RBFOX1: variants seen among roughly 807,000 people sequenced by gnomAD.
RBFOX1 encodes the protein RNA binding fox-1 homolog 1, also known as RNA binding protein fox-1 homolog 1.
Under a neutral mutation model 57.7 loss-of-function variants are expected in RBFOX1, and 8 were observed. The ratio of observed to expected loss-of-function variants is 0.14; its 90% CI spans 0.08 to 0.25. The LOEUF (loss-of-function observed/expected upper bound fraction) is 0.25. Ranked by LOEUF, RBFOX1 falls within the 10% of genes least tolerant of loss-of-function variation. The pLI is 1.00. For synonymous variants in RBFOX1, 326 were observed against 222.4 expected (o/e 1.47, Z -4.15); for missense variants, 611 against 548.5 (o/e 1.11, Z -1.14).
intron 1 of RBFOX1, among the ~76,000 whole-genome samples, chr16:6,129,218 A>G (rs1409950660): frequency 1.3e-5 from 2 of 152,234 alleles, no homozygotes; most frequent in Non-Finnish European, 2.9e-5. Flanking sequence ...ATATTAGAAT[A>G]ATCAGAAATG....
intron 4 of RBFOX1, among the ~76,000 whole-genome samples, chr16:7,447,545 C>T (rs2098818619): frequency 6.6e-6 from 1 of 151,976 alleles, no homozygotes; most frequent in Admixed American, 6.6e-5. Flanking sequence ...TCTCTGAAGC[C>T]TAAGCCCAGT....
chr16:6,370,216 G>A (rs935232702), intron 2 of RBFOX1, among the ~76,000 whole-genome samples: 6 of 151,868 alleles, frequency 4.0e-5, no homozygotes, highest in Middle Eastern at 3.4e-3. Flanking sequence ...AAATTAGCTG[G>A]GCGGGGTGGC....
intron 3 of RBFOX1, among the ~76,000 whole-genome samples, chr16:5,719,557 C>G (rs990640604): frequency 2.0e-5 from 3 of 152,030 alleles, no homozygotes; most frequent in African/African-American, 7.2e-5. Context: ...TAAGCAGTAA[C>G]TCCCCATTTT....
Position 5,295,627 on chromosome 16 carries a change from C to T in RBFOX1, c.219+55522C>T, listed in dbSNP as rs192264603. On this transcript the variant is annotated intron_variant, in intron 1 of 2. Coordinates refer to the RBFOX1 transcript ENST00000585867. Reference sequence around the variant, plus strand: ...CCTCAGCTTCTTGCCACGTGGGCCTCTCCATCTGGCCGCTCATGACATGGC... The same window carrying T: ...CCTCAGCTTCTTGCCACGTGGGCCTTTCCATCTGGCCGCTCATGACATGGC... 2.6e-3 allele frequency among the ~76,000 whole-genome samples: 399 copies of T among 152,332 alleles called. 5 individuals are homozygous for T. The highest frequency in any genetic ancestry group is 2.6e-4 in the Non-Finnish European group (18 of 68,034).
intron 2 of RBFOX1, among the ~76,000 whole-genome samples, chr16:5,556,768 G>A (rs1050538416): frequency 1.3e-5 from 2 of 152,246 alleles, no homozygotes; most frequent in South Asian, 2.1e-4. Flanking sequence ...AAGATGCCAC[G>A]AAAACAAAAC....
intron 1 of RBFOX1, among the ~76,000 whole-genome samples, chr16:6,265,311 G>C (rs2074339361): frequency 6.6e-6 from 1 of 152,034 alleles, no homozygotes; most frequent in Admixed American, 6.6e-5. Context: ...ACCTAGGCTG[G>C]AGTGCAGTGG....
At chr16:6,040,980 G>C (rs998994318) in intron 1 of RBFOX1, among the ~76,000 whole-genome samples, 1 of 152,114 alleles carries the variant, frequency 6.6e-6, no homozygotes, top group African/African-American at 2.4e-5. Flanking sequence ...TTGTTGGGTT[G>C]CTTCCGTGTT....
intron 1 of RBFOX1, among the ~76,000 whole-genome samples, chr16:6,248,800 C>G (rs1347145064): frequency 2.0e-5 from 3 of 152,134 alleles, no homozygotes; most frequent in African/African-American, 7.2e-5. Context: ...CTCTTTGTGT[C>G]TGTCTTCGCA....
intron 4 of RBFOX1, among the ~76,000 whole-genome samples, chr16:7,121,612 TATTA>T (rs1270706243): frequency 1.3e-5 from 2 of 152,026 alleles, no homozygotes; most frequent in African/African-American, 4.8e-5. Context: ...GTAGTAAAAG[TATTA>T]ATTCTGTACA....
chr16:6,565,601 G>A (rs562909465), intron 2 of RBFOX1, among the ~76,000 whole-genome samples: 1 of 151,032 alleles, frequency 6.6e-6, no homozygotes, highest in East Asian at 2.0e-4. Context: ...CCAAGTAGCT[G>A]GAACTACAGG....
intron 1 of RBFOX1, among the ~76,000 whole-genome samples, chr16:5,301,171 C>A (rs921903861): frequency 6.6e-6 from 1 of 152,150 alleles, no homozygotes; most frequent in South Asian, 2.1e-4. Flanking sequence ...CTTGTTTGTT[C>A]TTTCTTGCTC....
chr16:7,245,855 C>T (rs1047686784), intron 4 of RBFOX1, among the ~76,000 whole-genome samples: 2 of 152,158 alleles, frequency 1.3e-5, no homozygotes, highest in Non-Finnish European at 2.9e-5. Flanking sequence ...ATTACTTTCC[C>T]CTTTGCGTTT....
At chr16:6,238,322 G>C (rs1452634846) in intron 1 of RBFOX1, among the ~76,000 whole-genome samples, 1 of 152,082 alleles carries the variant, frequency 6.6e-6, no homozygotes, top group Non-Finnish European at 1.5e-5. Context: ...CTTCAGGTTT[G>C]CCCTTAATCC....
At chr16:6,499,611 G>C (rs576446735) in intron 2 of RBFOX1, among the ~76,000 whole-genome samples, 2 of 152,034 alleles carry the variant, frequency 1.3e-5, no homozygotes, top group African/African-American at 4.8e-5. Flanking sequence ...GAATGATTCA[G>C]CTTAAAAATC....
At chr16:7,375,544 C>T (rs1456922612) in intron 4 of RBFOX1, among the ~76,000 whole-genome samples, 2 of 149,750 alleles carry the variant, frequency 1.3e-5, no homozygotes, top group African/African-American at 4.9e-5. Flanking sequence ...TTTGGGTGTT[C>T]CCAGCTGTGC....
intron 2 of RBFOX1, among the ~76,000 whole-genome samples, chr16:6,510,432 G>A (rs910174125): frequency 6.6e-6 from 1 of 152,160 alleles, no homozygotes; most frequent in Non-Finnish European, 1.5e-5. Flanking sequence ...TCCCTGACCT[G>A]GCTAAGCTCC....
intron 1 of RBFOX1, among the ~76,000 whole-genome samples, chr16:6,280,580 T>G (rs2076267877): frequency 6.6e-6 from 1 of 152,146 alleles, no homozygotes; most frequent in South Asian, 2.1e-4. Flanking sequence ...CACAGGCACT[T>G]AGACAATGTA....
intron 4 of RBFOX1, among the ~76,000 whole-genome samples, chr16:7,420,646 C>T (rs1331939509): frequency 1.3e-5 from 2 of 150,882 alleles, no homozygotes; most frequent in Non-Finnish European, 3.0e-5. Context: ...ATTTGTTTTT[C>T]ATGCTGCCAG....
At chr16:6,421,905 T>C (rs1034781552) in intron 2 of RBFOX1, among the ~76,000 whole-genome samples, 6 of 148,764 alleles carry the variant, frequency 4.0e-5, no homozygotes, top group Non-Finnish European at 4.4e-5. Context: ...CTGTTCCTCC[T>C]GTTTAGGGAC....
Sources: gnomAD v4.1 joint callset for allele counts (sites outside exome capture counted in the v4.1 genomes callset) on GRCh38, gnomAD v4.1.1 for gene constraint, MANE v1.5 for transcripts, NCBI Gene and HGNC (gene_info 2026-07-23, HGNC 2026-07-21) for gene names.